Variants in PARM1 observed in about 807,000 individuals in gnomAD.
The protein encoded by PARM1 is WSC4, cell wall integrity and stress response component 4 homolog.
A neutral mutation model predicts 24.6 loss-of-function variants in PARM1; 14 were observed. That is an observed-to-expected ratio of 0.57 (90% CI 0.38 to 0.89). PARM1 has a LOEUF of 0.89. Among genes scored for constraint, PARM1 ranks in the 40% least tolerant of loss-of-function variants. The pLI is 0.00. For synonymous variants in PARM1, 179 were observed against 156.6 expected (o/e 1.14, Z -1.07); for missense variants, 362 against 380.4 (o/e 0.95, Z 0.40).
At chr4:75,017,446 G>C (rs1723009859) in intron 2 of PARM1, among the ~76,000 whole-genome samples, 1 of 151,996 alleles carries the variant, frequency 6.6e-6, no homozygotes, top group South Asian at 2.1e-4. Context: ...CCCCTATCTA[G>C]AACATTCTCC....
At chr4:75,020,613 G>T (rs903627105) in intron 2 of PARM1, among the ~76,000 whole-genome samples, 1 of 151,966 alleles carries the variant, frequency 6.6e-6, no homozygotes, top group Non-Finnish European at 1.5e-5. Flanking sequence ...CAGCCCCTGG[G>T]GGCACTCCGC....
intron 1 of PARM1, among the ~76,000 whole-genome samples, chr4:75,005,607 C>T (rs1395621002): frequency 6.6e-6 from 1 of 152,202 alleles, no homozygotes; most frequent in Non-Finnish European, 1.5e-5. Flanking sequence ...CCACATCCCT[C>T]CTAGCAGGTC....
chr4:74,941,049 T>C (rs1165508945), intron 1 of PARM1, among the ~76,000 whole-genome samples: 2 of 152,212 alleles, frequency 1.3e-5, no homozygotes, highest in Admixed American at 6.5e-5. Context: ...AGGCAAGTTA[T>C]TGGTAGATCA....
intron 1 of PARM1, among the ~76,000 whole-genome samples, chr4:74,936,656 C>T (rs1721198701): frequency 6.6e-6 from 1 of 151,826 alleles, no homozygotes; most frequent in South Asian, 2.1e-4. Context: ...GGGGTTTCAC[C>T]GTGTTAGCTA....
Position 74,979,134 on chromosome 4 carries a change from GCA to G in PARM1, c.44-33278_44-33277del, listed in dbSNP as rs751546976. 8.4e-3 allele frequency among the ~76,000 whole-genome samples: 1,242 copies of G among 148,630 alleles called. 16 individuals are homozygous for G. Among genetic ancestry groups the G allele is most frequent in the African/African-American group, 0.029 (1,198 of 40,624 alleles). On this transcript the variant is annotated intron_variant, in intron 1 of 3. Transcript: ENST00000307428. ...GAGAGGAACAGAAGGAGATAGAGAC[GCA>G]CACACACACACAAAAAAAAACCTTC...
intron 1 of PARM1, among the ~76,000 whole-genome samples, chr4:74,978,866 A>G (rs1275634761): frequency 6.6e-6 from 1 of 152,220 alleles, no homozygotes; most frequent in Non-Finnish European, 1.5e-5. Flanking sequence ...ACTCCTGGGT[A>G]AATAATAAAA....
At chr4:74,999,855 C>T (rs1471240762) in intron 1 of PARM1, among the ~76,000 whole-genome samples, 3 of 152,188 alleles carry the variant, frequency 2.0e-5, no homozygotes, top group Admixed American at 6.5e-5. Context: ...GCCATTCAGC[C>T]TGATGCGTGT....
intron 1 of PARM1, among the ~76,000 whole-genome samples, chr4:74,975,076 G>A (rs1722115447): frequency 6.6e-6 from 1 of 152,186 alleles, no homozygotes; most frequent in Non-Finnish European, 1.5e-5. Flanking sequence ...CACTGCATCA[G>A]ACATTTGCAC....
chr4:74,990,339 A>C (rs1722441994), intron 1 of PARM1, among the ~76,000 whole-genome samples: 1 of 152,196 alleles, frequency 6.6e-6, no homozygotes, highest in Non-Finnish European at 1.5e-5. Flanking sequence ...ACTGACTTTC[A>C]CCTATTAGAT....
intron 2 of PARM1, among the ~76,000 whole-genome samples, chr4:75,032,902 G>A (rs1057236705): frequency 2.0e-5 from 3 of 152,112 alleles, no homozygotes; most frequent in Non-Finnish European, 2.9e-5. Context: ...CTTTAGTGCC[G>A]AAAACTCACT....
chr4:74,982,009 G>A (rs760323457), intron 1 of PARM1, among the ~76,000 whole-genome samples: 12 of 151,940 alleles, frequency 7.9e-5, no homozygotes, highest in Non-Finnish European at 1.5e-4. Flanking sequence ...GTTCATTGCA[G>A]CACTACTCAC....
chr4:74,964,076 T>C (rs1422096661), intron 1 of PARM1, among the ~76,000 whole-genome samples: 1 of 152,058 alleles, frequency 6.6e-6, no homozygotes, highest in Admixed American at 6.6e-5. Flanking sequence ...GGAGTTTGAG[T>C]GGACACTGAA....
chr4:75,011,623 G>T (rs191753656), intron 1 of PARM1, among the ~76,000 whole-genome samples: 6 of 152,272 alleles, frequency 3.9e-5, no homozygotes, highest in African/African-American at 9.6e-5. Context: ...ATGAGTAAGT[G>T]CAGGGAAGGA....
At chr4:75,043,253 G>T (rs893781411) in intron 3 of PARM1, among the ~76,000 whole-genome samples, 5 of 152,236 alleles carry the variant, frequency 3.3e-5, no homozygotes, top group South Asian at 2.1e-4. Context: ...TTCATTCAAT[G>T]ACATTTTTTA....
At chr4:75,016,610 C>A (rs573714395) in intron 2 of PARM1, among the ~76,000 whole-genome samples, 6 of 152,134 alleles carry the variant, frequency 3.9e-5, no homozygotes, top group Non-Finnish European at 8.8e-5. Context: ...TTTGACCTGA[C>A]CTGCCAGCAG....
chr4:75,021,953 A>C (rs943738399), intron 2 of PARM1, among the ~76,000 whole-genome samples: 3 of 152,116 alleles, frequency 2.0e-5, no homozygotes, highest in African/African-American at 7.2e-5. Flanking sequence ...GGAACTATTT[A>C]TTTTCCTTTG....
intron 1 of PARM1, among the ~76,000 whole-genome samples, chr4:74,945,115 A>G (rs1242252570): frequency 6.6e-6 from 1 of 152,228 alleles, no homozygotes; most frequent in Admixed American, 6.5e-5. Flanking sequence ...GAATATATTG[A>G]CATAATATAT....
rs573651133 is a variant in PARM1, at chr4:75,012,335, G to A, written c.44-90G>A. ...AATGAGAAATACCTGTGAAAATGCT[G>A]TAAAACAGCTGTGGGTAAAAGCCTT... On this transcript the variant is annotated intron_variant, in intron 1 of 3. Coordinates refer to ENST00000307428, the MANE Select transcript of PARM1 (RefSeq NM_015393.4). The A allele has an allele frequency of 2.3e-5, 32 of 1,403,594 alleles. No homozygotes were observed. The East Asian group carries it at 5.3e-4, about 23-fold the overall frequency. The allele number at this position is 1,403,594 out of a possible 1,614,324, so 86.9% of individuals were successfully genotyped here.
Position 74,933,375 on chromosome 4 carries a change from T to C in PARM1, c.43+5T>C. The C allele has an allele frequency of 6.2e-7, 1 of 1,612,476 alleles. No homozygotes were observed. Reference sequence around the variant, plus strand: ...CTCTTTGCATCTTAACTGCAGGTAATTGGCGCCATCCTCCCGGAAGGGCAG... The same window carrying C: ...CTCTTTGCATCTTAACTGCAGGTAACTGGCGCCATCCTCCCGGAAGGGCAG... On this transcript the variant is annotated splice_donor_5th_base_variant and intron_variant, in intron 1 of 3. Transcript: ENST00000307428.
Sources: allele counts gnomAD v4.1 joint callset (sites outside exome capture counted in the v4.1 genomes callset), GRCh38; gene constraint gnomAD v4.1.1; transcripts MANE v1.5; gene names NCBI Gene and HGNC (gene_info 2026-07-23, HGNC 2026-07-21).